RGS6: variants seen among roughly 807,000 people sequenced by gnomAD.
The protein encoded by RGS6 is regulator of G protein signaling 6.
A neutral mutation model predicts 78.5 loss-of-function variants in RGS6; 30 were observed. The ratio of observed to expected loss-of-function variants is 0.38; its 90% CI spans 0.29 to 0.52. RGS6 has a LOEUF of 0.52. RGS6 is among the 20% of genes least tolerant of loss of function. The probability of loss-of-function intolerance (pLI) is 0.85; values close to 1 mark genes in which losing one functional copy is unlikely to be tolerated. For synonymous variants in RGS6, 206 were observed against 206.0 expected (o/e 1.00, Z 0.00); for missense variants, 495 against 609.7 (o/e 0.81, Z 1.98).
chr14:71,996,817 C>T (rs1376192761), intron 2 of RGS6, among the ~76,000 whole-genome samples: 3 of 151,866 alleles, frequency 2.0e-5, no homozygotes, highest in Admixed American at 2.0e-4. Context: ...AAAATGATGA[C>T]GAAGGATGGT....
chr14:72,369,857 C>T (rs1397563399), intron 3 of RGS6, among the ~76,000 whole-genome samples: 1 of 152,010 alleles, frequency 6.6e-6, no homozygotes, highest in Non-Finnish European at 1.5e-5. Context: ...AAAATTTATT[C>T]TTAATTAGTA....
chr14:72,508,872 T>C (rs986951343), intron 13 of RGS6, among the ~76,000 whole-genome samples: 12 of 152,092 alleles, frequency 7.9e-5, no homozygotes, highest in African/African-American at 2.9e-4. Flanking sequence ...GGAAGAGTTG[T>C]AGCATGTGAC....
intron 2 of RGS6, among the ~76,000 whole-genome samples, chr14:72,242,799 A>T (rs1600276832): frequency 7.0e-6 from 1 of 143,402 alleles, no homozygotes; most frequent in Non-Finnish European, 1.5e-5. Context: ...TTTTTTAAAC[A>T]TATCTCTTGA....
At chr14:72,430,703 T>G (rs576138270) in intron 3 of RGS6, among the ~76,000 whole-genome samples, 12 of 152,168 alleles carry the variant, frequency 7.9e-5, no homozygotes, top group Non-Finnish European at 1.2e-4. Context: ...CTGTGTGGTG[T>G]TGTTGTTGTG....
chr14:72,122,740 G>GGT (rs776587742), intron 2 of RGS6, among the ~76,000 whole-genome samples: 36 of 132,316 alleles, frequency 2.7e-4, no homozygotes, highest in African/African-American at 8.0e-4. Flanking sequence ...CTAAGTTATC[G>GGT]TTTTTTTTTT....
intron 3 of RGS6, among the ~76,000 whole-genome samples, chr14:72,410,091 G>A (rs531688833): frequency 6.6e-6 from 1 of 152,298 alleles, no homozygotes; most frequent in South Asian, 2.1e-4. Context: ...TAATGGGATG[G>A]CTGGGTCAAA....
chr14:72,194,761 AAAAT>A (rs1345287823), intron 2 of RGS6, among the ~76,000 whole-genome samples: 4 of 152,244 alleles, frequency 2.6e-5, no homozygotes, highest in Non-Finnish European at 4.4e-5. Context: ...TAAAAAGAAA[AAAAT>A]AGAGCAGAAG....
intron 2 of RGS6, among the ~76,000 whole-genome samples, chr14:72,231,725 T>A (rs1359952865): frequency 6.6e-6 from 1 of 152,066 alleles, no homozygotes; most frequent in Non-Finnish European, 1.5e-5. Flanking sequence ...CCCGAAGGCA[T>A]GAAGGGAGAG....
chr14:72,474,419 C>T (rs933488765), intron 9 of RGS6, among the ~76,000 whole-genome samples: 8 of 152,158 alleles, frequency 5.3e-5, no homozygotes, highest in African/African-American at 1.9e-4. Flanking sequence ...ATACCCTCTA[C>T]ATATCATCCT....
At chr14:71,978,803 T>C (rs2094290944) in intron 2 of RGS6, among the ~76,000 whole-genome samples, 1 of 152,120 alleles carries the variant, frequency 6.6e-6, no homozygotes, top group Non-Finnish European at 1.5e-5. Context: ...GGATTCCCTC[T>C]TTTCCTATTG....
intron 7 of RGS6, among the ~76,000 whole-genome samples, chr14:72,469,315 T>C (rs1232802950): frequency 6.6e-6 from 1 of 151,624 alleles, no homozygotes; most frequent in Non-Finnish European, 1.5e-5. Flanking sequence ...CAAGCGACTC[T>C]CCTCCCTCAG....
chr14:71,992,453 G>A (rs377193179), intron 2 of RGS6, among the ~76,000 whole-genome samples: 2 of 152,156 alleles, frequency 1.3e-5, no homozygotes, highest in South Asian at 2.1e-4. Flanking sequence ...ACATTGCTTC[G>A]TTTGTTCTAT....
chr14:72,292,454 G>T (rs2063774314), intron 2 of RGS6, among the ~76,000 whole-genome samples: 1 of 152,214 alleles, frequency 6.6e-6, no homozygotes, highest in Non-Finnish European at 1.5e-5. Flanking sequence ...AAACGGCTGA[G>T]AAATCCCATA....
intron 3 of RGS6, among the ~76,000 whole-genome samples, chr14:72,396,046 C>A (rs1287561464): frequency 2.0e-5 from 3 of 152,028 alleles, no homozygotes; most frequent in Admixed American, 6.6e-5. Context: ...GGGTATATAC[C>A]CAGTAATGGG....
rs111605850 is a variant in RGS6, at chr14:72,146,251, T to C, written c.84+181376T>C. Among the ~76,000 whole-genome samples the C allele has an allele frequency of 9.3e-3, 1,412 of 152,322 alleles. 16 individuals carry two copies. The highest frequency in any genetic ancestry group is 0.031 in the African/African-American group (1,271 of 41,572). ...TCTGCCCTCATGACCTAACCACCTC[T>C]AAGTTCTACCTCTCAACACTCTTGC... On this transcript the variant is annotated intron_variant, in intron 2 of 17. Coordinates refer to ENST00000553525, the MANE Select transcript of RGS6 (RefSeq NM_001204424.2).
chr14:72,459,656 T>C lies in RGS6; in HGVS notation c.367T>C (p.Cys123Arg). The change falls in exon 6 of 18, where the codon TGC becomes CGC. Residue 123 changes from cysteine to arginine, a missense_variant. By Grantham distance (180) the Cys-to-Arg change is radical (BLOSUM62 -3). Transcript: ENST00000553525. ...FQAPYFWPSN[C>R]WEPENTDYAI... ...GGCTCCGTACTTCTGGCCTTCGAAC[T>C]GCTGGGAACCTGAAAACACTGACTA... The C allele has an allele frequency of 6.2e-7, 1 of 1,614,152 alleles. No homozygotes were observed. The highest frequency in any genetic ancestry group is 8.5e-7 in the Non-Finnish European group (1 of 1,180,040).
intron 2 of RGS6, among the ~76,000 whole-genome samples, chr14:72,285,446 G>A (rs1008954141): frequency 9.2e-5 from 14 of 152,012 alleles, no homozygotes; most frequent in African/African-American, 2.4e-4. Context: ...TCATTCTCTC[G>A]TCTGCCACCA....
At chr14:72,128,327 T>C (rs112373288) in intron 2 of RGS6, among the ~76,000 whole-genome samples, 2,148 of 152,340 alleles carry the variant, frequency 0.014, 30 homozygotes, top group Middle Eastern at 0.034. Context: ...ATTTCATAAA[T>C]GTATTCTCTT....
At chr14:72,200,084 C>G (rs1187512600) in intron 2 of RGS6, among the ~76,000 whole-genome samples, 1 of 152,134 alleles carries the variant, frequency 6.6e-6, no homozygotes, top group African/African-American at 2.4e-5. Flanking sequence ...CTAAAGTGAC[C>G]TAATTAATCT....
Sources: gnomAD v4.1 joint callset for allele counts (sites outside exome capture counted in the v4.1 genomes callset) on GRCh38, gnomAD v4.1.1 for gene constraint, MANE v1.5 for transcripts, NCBI Gene and HGNC (gene_info 2026-07-23, HGNC 2026-07-21) for gene names.